The following RNF121 variants were observed in gnomAD, a reference collection of about 807,000 sequenced individuals.
RNF121 encodes ring finger protein 121, also known as E3 ubiquitin ligase RNF121.
Under a neutral mutation model 46.5 loss-of-function variants are expected in RNF121, and 21 were observed. The observed-to-expected ratio is 0.45, with a 90% confidence interval of 0.32 to 0.65. The LOEUF is 0.65. Ranked by LOEUF, RNF121 falls within the 30% of genes least tolerant of loss-of-function variation. RNF121 has a pLI of 0.04. For missense variants in RNF121, 346 were observed against 416.0 expected (o/e 0.83, Z 1.46); for synonymous variants, 139 against 144.7 (o/e 0.96, Z 0.28).
At chr11:71,943,339 T>C (rs1169377760) in intron 1 of RNF121, among the ~76,000 whole-genome samples, 1 of 152,176 alleles carries the variant, frequency 6.6e-6, no homozygotes, top group Non-Finnish European at 1.5e-5. Context: ...AATTAGGCAG[T>C]TGGAAATACG....
intron 1 of RNF121, 144 bp from the exon 2 acceptor site, chr11:71,957,083 G>A (rs1590786438): frequency 1.4e-6 from 1 of 725,168 alleles, no homozygotes; most frequent in Non-Finnish European, 2.5e-6. Context: ...GTGTGAAATA[G>A]AATGGTTGGT....
In RNF121 at chr11:71,957,371, C is replaced by A. The variant is rs1954011994; in HGVS notation, c.101+107C>A. 3.8e-6 allele frequency: 3 copies of A among 792,010 alleles called. No individual in the cohort carries two copies. In the Admixed American group the frequency reaches 5.1e-5, roughly 14 times the overall value. The allele number at this position is 792,010 out of a possible 1,614,324, so 49.1% of individuals were successfully genotyped here. On this transcript the variant is annotated intron_variant, in intron 2 of 8. Coordinates refer to ENST00000361756, the MANE Select transcript of RNF121 (RefSeq NM_018320.5). Reference sequence around the variant, plus strand: ...CTTTCTTGTCAGTAGGAGGCAGTGGCTCATGACCGGTAGGACTGGTCTTTT... The same window carrying A: ...CTTTCTTGTCAGTAGGAGGCAGTGGATCATGACCGGTAGGACTGGTCTTTT...
intron 1 of RNF121, among the ~76,000 whole-genome samples, chr11:71,947,939 T>C (rs774790508): frequency 2.6e-5 from 4 of 152,198 alleles, no homozygotes; most frequent in Admixed American, 6.5e-5. Context: ...TATAGATGTT[T>C]AGATATGATC....
rs557895083 is a variant in RNF121 at position 71,993,993 on chromosome 11, A to T, written c.628-726A>T. 3.8e-3 allele frequency among the ~76,000 whole-genome samples: 571 copies of T among 151,794 alleles called. 7 individuals carry two copies. Among genetic ancestry groups the T allele is most frequent in the African/African-American group, 0.013 (552 of 41,352 alleles). On this transcript the variant is annotated intron_variant, in intron 6 of 8. Transcript: ENST00000361756. The stretch of plus-strand genomic sequence containing the variant: ...GTAGCTGGGACTACAGGCGCCCCCC[A>T]CCATGCCTGGCTAATTTTTTGTATT...
At chr11:71,967,450 AGCGATTCTTCT>A (rs1442809552) in intron 3 of RNF121, among the ~76,000 whole-genome samples, 4 of 148,540 alleles carry the variant, frequency 2.7e-5, no homozygotes, top group Admixed American at 1.4e-4. Context: ...TCTGGGTTCA[AGCGATTCTTCT>A]GCCTCAGCCT....
At chr11:71,944,736 A>G (rs149869687) in intron 1 of RNF121, among the ~76,000 whole-genome samples, 16 of 152,326 alleles carry the variant, frequency 1.1e-4, no homozygotes, top group Non-Finnish European at 2.4e-4. Context: ...CTCGAGAAGT[A>G]CATGAGGTTG....
chr11:71,971,619 G>A (rs1284773119), intron 3 of RNF121, among the ~76,000 whole-genome samples: 1 of 152,034 alleles, frequency 6.6e-6, no homozygotes, highest in Non-Finnish European at 1.5e-5. Context: ...AGAAAAACAG[G>A]CCAGAGATAT....
intron 6 of RNF121, among the ~76,000 whole-genome samples, chr11:71,994,285 C>T (rs1052975785): frequency 6.6e-6 from 1 of 152,144 alleles, no homozygotes; most frequent in African/African-American, 2.4e-5. Flanking sequence ...GTCACCAAAC[C>T]AACATGGCAC....
At chr11:71,993,697 T>C (rs757397064) in intron 6 of RNF121, among the ~76,000 whole-genome samples, 1 of 152,250 alleles carries the variant, frequency 6.6e-6, no homozygotes. Flanking sequence ...TCATATCTTT[T>C]GGGTTTATAC....
intron 4 of RNF121, among the ~76,000 whole-genome samples, chr11:71,985,944 A>T (rs1954763130): frequency 6.6e-6 from 1 of 151,996 alleles, no homozygotes. Context: ...AAAAAAACAA[A>T]AAAAAAGGCC....
chr11:71,951,681 CTT>C (rs1305257870), intron 1 of RNF121, among the ~76,000 whole-genome samples: 2 of 149,116 alleles, frequency 1.3e-5, no homozygotes, highest in Non-Finnish European at 3.0e-5. Context: ...TATGAATAGA[CTT>C]TTCTCCAAAG....
intron 1 of RNF121, among the ~76,000 whole-genome samples, chr11:71,950,073 A>T (rs1953834676): frequency 6.6e-6 from 1 of 152,034 alleles, no homozygotes; most frequent in Non-Finnish European, 1.5e-5. Context: ...AAAAAATATA[A>T]AAAAAAGAAT....
chr11:71,987,208 C>A, intron 5 of RNF121, 97 bp downstream of exon 5: 1 of 799,980 alleles, frequency 1.3e-6, no homozygotes, highest in Non-Finnish European at 2.2e-6. Context: ...ACAGGAGGGA[C>A]GTAATATCCA....
intron 1 of RNF121, among the ~76,000 whole-genome samples, chr11:71,950,370 T>C (rs1045965799): frequency 3.9e-5 from 6 of 152,046 alleles, no homozygotes; most frequent in African/African-American, 1.2e-4. Flanking sequence ...GGATCACTTA[T>C]GTCAGGAGTT....
chr11:71,956,705 C>G (rs1462314854), intron 1 of RNF121, among the ~76,000 whole-genome samples: 1 of 152,194 alleles, frequency 6.6e-6, no homozygotes, highest in Non-Finnish European at 1.5e-5. Context: ...TTTGCTCTAG[C>G]CATACTCAAT....
chr11:71,984,619 G>T (rs952752567), intron 4 of RNF121, among the ~76,000 whole-genome samples: 2 of 151,384 alleles, frequency 1.3e-5, no homozygotes, highest in African/African-American at 4.9e-5. Flanking sequence ...TAGAGACAGG[G>T]TCTCACTCTG....
chr11:71,993,132 A>G (rs1243973359), intron 6 of RNF121, among the ~76,000 whole-genome samples: 2 of 152,178 alleles, frequency 1.3e-5, no homozygotes, highest in African/African-American at 2.4e-5. Flanking sequence ...TCCTTTTTGA[A>G]CAACTGTCTT....
At chr11:71,972,736 C>A (rs1189101347) in intron 3 of RNF121, among the ~76,000 whole-genome samples, 1 of 151,944 alleles carries the variant, frequency 6.6e-6, no homozygotes, top group Non-Finnish European at 1.5e-5. Flanking sequence ...ACAAAATCAT[C>A]CCTGATGAGA....
chr11:71,995,368 C>A, intron 7 of RNF121, 82 bp from the exon 8 acceptor site: 1 of 1,095,122 alleles, frequency 9.1e-7, no homozygotes. Flanking sequence ...AGAGCGAAGG[C>A]AGGATTTGAA....
Sources: gnomAD v4.1 joint callset for allele counts (sites outside exome capture counted in the v4.1 genomes callset) on GRCh38, gnomAD v4.1.1 for gene constraint, MANE v1.5 for transcripts, NCBI Gene and HGNC (gene_info 2026-07-23, HGNC 2026-07-21) for gene names.